GSTO2: variants seen among roughly 807,000 people sequenced by gnomAD.
The protein encoded by GSTO2 is glutathione S-transferase omega 2, also known as glutathione S-transferase omega-2.
GSTO2 carries 23 observed loss-of-function variants against 28.4 expected under a neutral mutation model. The observed-to-expected ratio is 0.81, with a 90% CI of 0.58 to 1.15. The LOEUF (loss-of-function observed/expected upper bound fraction) is 1.15, where lower values mean the gene tolerates loss of function less well. GSTO2 is among the 50% of genes most tolerant of loss of function. The probability of loss-of-function intolerance (pLI) is 0.00; values close to 1 mark genes in which losing one functional copy is unlikely to be tolerated. For missense variants in GSTO2, 298 were observed against 297.8 expected (o/e 1.00, Z 0.00); for synonymous variants, 109 against 111.0 (o/e 0.98, Z 0.11).
rs575627610 is a variant in GSTO2 at position 104,269,265 on chromosome 10, C to T, written c.-236C>T. 1.3e-5 allele frequency: 2 copies of T among 152,450 alleles called. No homozygotes were observed. Among genetic ancestry groups the T allele is most frequent in the South Asian group, 2.1e-4 (1 of 4,836 alleles). The allele number at this position is 152,450 out of a possible 1,614,324, so 9.4% of individuals were successfully genotyped here. A position where few individuals can be genotyped will look rare whatever the true frequency, so the allele number is the denominator to read the frequency against. Reference sequence around the variant, plus strand: ...TCTCTCGCGGGACCTCTCTCACCGCCACCGGTGGGTCCGTTCGGCCTGCGT... The same window carrying T: ...TCTCTCGCGGGACCTCTCTCACCGCTACCGGTGGGTCCGTTCGGCCTGCGT... On this transcript the variant is annotated 5_prime_UTR_variant, in exon 1 of 7. Coordinates refer to ENST00000338595, the MANE Select transcript of GSTO2 (RefSeq NM_183239.2).
intron 6 of GSTO2, among the ~76,000 whole-genome samples, chr10:104,298,454 A>G (rs2013144521): frequency 6.6e-6 from 1 of 152,314 alleles, no homozygotes; most frequent in South Asian, 2.1e-4. Context: ...CTTTGTCAGG[A>G]TATTTAAAAC....
chr10:104,295,895 A>C (rs2012996738), intron 5 of GSTO2: 1 of 152,360 alleles, frequency 6.6e-6, no homozygotes, highest in African/African-American at 2.4e-5. Context: ...CCCTCACCAG[A>C]ACCCTGATAT....
In GSTO2 at chr10:104,303,668, A is replaced by G. The variant is rs971054986; in HGVS notation, c.*4384A>G. 5 of 152,222 alleles carry G rather than the reference A, an allele frequency of 3.3e-5. No individual in the cohort carries two copies. The highest frequency in any genetic ancestry group is 9.6e-5 in the African/African-American group (4 of 41,458). 9.4% of individuals were successfully genotyped at this position (152,222 alleles called of 1,614,324 possible). ...GGAAGGAATTCAAGCAGGCTGCAGA[A>G]ATTTGCATAAGTAAAAAGGAGCCAA... On this transcript the variant is annotated 3_prime_UTR_variant, in exon 7 of 7. Coordinates refer to ENST00000338595, the MANE Select transcript of GSTO2 (RefSeq NM_183239.2).
At chr10:104,288,773 TA>T (rs2012599473) in intron 5 of GSTO2, among the ~76,000 whole-genome samples, 1 of 152,240 alleles carries the variant, frequency 6.6e-6, no homozygotes, top group African/African-American at 2.4e-5. Context: ...AAGTTCCTTT[TA>T]AAGCGTTCCT....
intron 4 of GSTO2, 37 bp from the exon 5 acceptor site, chr10:104,279,333 C>T (rs1412396803): frequency 1.9e-6 from 3 of 1,551,262 alleles, no homozygotes; most frequent in Non-Finnish European, 2.7e-6. Flanking sequence ...GAAGTTTCCA[C>T]AGACTTCTCC....
intron 1 of GSTO2, among the ~76,000 whole-genome samples, chr10:104,269,478 C>T (rs1281514375): frequency 2.6e-5 from 4 of 152,210 alleles, no homozygotes; most frequent in Non-Finnish European, 5.9e-5. Flanking sequence ...GAATAAAGAA[C>T]AGGTCTTTAA....
rs947512829 is a variant in GSTO2 at position 104,274,680 on chromosome 10, G to C, written c.-231-5G>C. 1 of 578,610 alleles carries C rather than the reference G, an allele frequency of 1.7e-6. No homozygotes were observed. Among genetic ancestry groups the C allele is most frequent in the Non-Finnish European group, 3.0e-6 (1 of 330,068 alleles). The allele number at this position is 578,610 out of a possible 1,614,324, so 35.8% of individuals were successfully genotyped here. On this transcript the variant is annotated splice_region_variant and splice_polypyrimidine_tract_variant and intron_variant, in intron 1 of 6. Coordinates refer to ENST00000338595, the MANE Select transcript of GSTO2 (RefSeq NM_183239.2). ...GTTATTTTGTCTTGTTTTGTTTTTT[G>C]CCAGCTCCTACTCTCGGGCTTCCAA...
chr10:104,282,451 G>T (rs761972762), intron 5 of GSTO2, among the ~76,000 whole-genome samples: 3 of 151,330 alleles, frequency 2.0e-5, no homozygotes, highest in Non-Finnish European at 4.4e-5. Flanking sequence ...GTACTTGGGA[G>T]GCTGAGATGA....
At chr10:104,290,150 T>C (rs2012688879) in intron 5 of GSTO2, among the ~76,000 whole-genome samples, 1 of 152,232 alleles carries the variant, frequency 6.6e-6, no homozygotes, top group South Asian at 2.1e-4. Flanking sequence ...GTTGCAGCAC[T>C]GTTTACAATA....
chr10:104,278,412 A>G (rs2011779502), intron 4 of GSTO2, among the ~76,000 whole-genome samples: 1 of 152,252 alleles, frequency 6.6e-6, no homozygotes, highest in Non-Finnish European at 1.5e-5. Flanking sequence ...GTGATCCTTA[A>G]AGGGAGTATT....
intron 4 of GSTO2, among the ~76,000 whole-genome samples, chr10:104,278,367 A>G (rs1297128822): frequency 6.6e-6 from 1 of 152,252 alleles, no homozygotes; most frequent in Non-Finnish European, 1.5e-5. Flanking sequence ...TGACCGTGTA[A>G]CTTGAAGCAG....
At chr10:104,280,797 C>G (rs935058675) in intron 5 of GSTO2, among the ~76,000 whole-genome samples, 5 of 152,186 alleles carry the variant, frequency 3.3e-5, no homozygotes, top group Admixed American at 2.6e-4. Flanking sequence ...TAAGGGAAGA[C>G]TGGTTATTAA....
rs1364391866 is a variant in GSTO2 at position 104,304,167 on chromosome 10, C to G, written c.*4883C>G. The G allele has an allele frequency of 6.6e-6, 1 of 152,092 alleles. No homozygotes were observed. The highest frequency in any genetic ancestry group is 1.5e-5 in the Non-Finnish European group (1 of 68,028). The allele number at this position is 152,092 out of a possible 1,614,324, so 9.4% of individuals were successfully genotyped here. A position where few individuals can be genotyped will look rare whatever the true frequency, so the allele number is the denominator to read the frequency against. ...GTAGTCTCCAGTTCCCATCCCCCAC[C>G]ACACACACACACCAAACACTGTGCC... On this transcript the variant is annotated 3_prime_UTR_variant, in exon 7 of 7. Coordinates refer to ENST00000338595, the MANE Select transcript of GSTO2 (RefSeq NM_183239.2).
intron 5 of GSTO2, among the ~76,000 whole-genome samples, chr10:104,283,408 C>T (rs1038769308): frequency 3.3e-5 from 5 of 152,132 alleles, no homozygotes; most frequent in African/African-American, 1.2e-4. Context: ...GGAGGATCAC[C>T]TGAGGCCAGG....
At chr10:104,285,693 C>G (rs1595259) in intron 5 of GSTO2, among the ~76,000 whole-genome samples, 2 of 152,104 alleles carry the variant, frequency 1.3e-5, no homozygotes, top group East Asian at 3.8e-4. Flanking sequence ...GTCTTGAACT[C>G]CTAGGCTCAA....
Position 104,297,701 on chromosome 10 carries a change from T to G in GSTO2, c.575+17T>G. ...GATACTGGAGTAAGACATTTGACAT[T>G]GTGGTGTTAAATTCCCGGAGTCACA... is the stretch of plus-strand genomic sequence containing the variant. On this transcript the variant is annotated intron_variant, in intron 6 of 6. Coordinates refer to ENST00000338595, the MANE Select transcript of GSTO2 (RefSeq NM_183239.2). 1 of 1,550,992 alleles carries G rather than the reference T, an allele frequency of 6.4e-7. No individual in the cohort carries two copies. Among genetic ancestry groups the G allele is most frequent in the Non-Finnish European group, 8.9e-7 (1 of 1,122,964 alleles).
At chr10:104,298,647 G>C (rs921277435) in intron 6 of GSTO2, among the ~76,000 whole-genome samples, 1 of 152,132 alleles carries the variant, frequency 6.6e-6, no homozygotes, top group African/African-American at 2.4e-5. Context: ...AGCCCTGTCG[G>C]CTCCATGACT....
At position 104,279,397 on chromosome 10, in the gene GSTO2, G is replaced by A. The variant is rs772880687; in HGVS notation, c.394G>A (p.Val132Ile). 18 of 1,613,970 alleles carry A rather than the reference G, an allele frequency of 1.1e-5. No individual in the cohort carries two copies. Among genetic ancestry groups the A allele is most frequent in the Non-Finnish European group, 1.4e-5 (16 of 1,179,952 alleles). The part of the protein sequence containing the change: ...KVPHLTKECL[V>I]ALRCGRECTN... Reference sequence around the variant, plus strand: ...CCCACATTTGACCAAGGAGTGCCTGGTAGCGTTGAGATGTGGGAGAGAATG... The same window carrying A: ...CCCACATTTGACCAAGGAGTGCCTGATAGCGTTGAGATGTGGGAGAGAATG... Residue 132 changes from valine to isoleucine, a missense_variant, in exon 5 of 7, where the codon GTA becomes ATA. By Grantham distance (29) the Val-to-Ile change is conservative. Transcript: ENST00000338595.
intron 1 of GSTO2, among the ~76,000 whole-genome samples, chr10:104,270,145 C>T (rs988950276): frequency 7.9e-5 from 12 of 152,290 alleles, no homozygotes; most frequent in Admixed American, 7.2e-4. Context: ...TCCCAAGTAG[C>T]TGGGACTACA....
Sources: gnomAD v4.1 joint callset for allele counts (sites outside exome capture counted in the v4.1 genomes callset) on GRCh38, gnomAD v4.1.1 for gene constraint, MANE v1.5 for transcripts, NCBI Gene and HGNC (gene_info 2026-07-23, HGNC 2026-07-21) for gene names.